The following CCDC134 variants were observed in gnomAD, a reference collection of about 807,000 sequenced individuals.
CCDC134 encodes the protein coiled-coil domain containing 134.
A neutral mutation model predicts 25.6 loss-of-function variants in CCDC134; 27 were observed. The observed-to-expected ratio is 1.05, with a 90% confidence interval of 0.78 to 1.45. The LOEUF (loss-of-function observed/expected upper bound fraction) is 1.45. Ranked by LOEUF, CCDC134 falls within the 40% of genes most tolerant of loss-of-function variation. The pLI is 0.00. For missense variants in CCDC134, 261 were observed against 286.7 expected (o/e 0.91, Z 0.65); for synonymous variants, 110 against 115.0 (o/e 0.96, Z 0.28).
intron 6 of CCDC134, among the ~76,000 whole-genome samples, chr22:41,819,978 T>TATATATAC (rs2076641677): frequency 8.0e-6 from 1 of 125,074 alleles, no homozygotes; most frequent in Non-Finnish European, 1.6e-5. Context: ...TATATATATA[T>TATATATAC]ATATATATAT....
At chr22:41,817,390 A>G (rs753154125) in intron 6 of CCDC134, among the ~76,000 whole-genome samples, 1 of 152,232 alleles carries the variant, frequency 6.6e-6, no homozygotes, top group Non-Finnish European at 1.5e-5. Flanking sequence ...CAGGCTGTCT[A>G]GTTTGTCACC....
At chr22:41,824,292 A>G (rs556124787) in intron 6 of CCDC134, among the ~76,000 whole-genome samples, 60 of 152,274 alleles carry the variant, frequency 3.9e-4, no homozygotes, top group Middle Eastern at 3.4e-3. Context: ...GCCACAGCAC[A>G]TGCAAAGGCC....
rs181630277 is a variant in CCDC134, at chr22:41,820,321, C to T, written c.565-5377C>T. On this transcript the variant is annotated intron_variant, in intron 6 of 6. Transcript: ENST00000255784. ...GTTATTTATATATATATTTTTAAGA[C>T]AGATTTTTGCTCTTGTTGCCCAGGC... is the stretch of plus-strand genomic sequence containing the variant. Among the ~76,000 whole-genome samples the T allele has an allele frequency of 2.3e-4, 35 of 151,740 alleles. No homozygotes were observed. The East Asian group carries it at 4.7e-3, about 20-fold the overall frequency.
At chr22:41,820,000 A>ATATATATATATATATATATATAT (rs2076642804) in intron 6 of CCDC134, among the ~76,000 whole-genome samples, 1 of 67,668 alleles carries the variant, frequency 1.5e-5, no homozygotes, top group African/African-American at 7.2e-5. Context: ...TATATATATA[A>ATATATATATATATATATATATAT]TTTTTTTTTT....
At chr22:41,809,835 AG>A (rs1253428546) in intron 2 of CCDC134, 43 bp from the exon 3 acceptor site, 4 of 1,612,170 alleles carry the variant, frequency 2.5e-6, no homozygotes, top group Non-Finnish European at 3.4e-6. Flanking sequence ...TGGATTGTCC[AG>A]GCAGGGCTAT....
In CCDC134 at chr22:41,831,243, C is replaced by G. The variant is rs11703214; in HGVS notation, c.*5420C>G. 0.032 allele frequency: 4,827 copies of G among 152,162 alleles called. 119 individuals are homozygous for G. Among genetic ancestry groups the G allele is most frequent in the Admixed American group, 0.076 (1,161 of 15,270 alleles). 9.4% of individuals were successfully genotyped at this position (152,162 alleles called of 1,614,324 possible). On this transcript the variant is annotated 3_prime_UTR_variant, in exon 7 of 7. Coordinates refer to ENST00000255784, the MANE Select transcript of CCDC134 (RefSeq NM_024821.5). Reference sequence around the variant, plus strand: ...ACAGAGTCTTGCTCTGTCTCCCAGGCTGGAGTGCAGCGACATGATCTCAGC... The same window carrying G: ...ACAGAGTCTTGCTCTGTCTCCCAGGGTGGAGTGCAGCGACATGATCTCAGC...
At position 41,830,599 on chromosome 22, in the gene CCDC134, G is replaced by A. The variant is rs956369223; in HGVS notation, c.*4776G>A. ...CTGTGTCTTTCAGGGTGAGACTGGT[G>A]TATTCTATACCAGCCTCCCTGTGTG... On this transcript the variant is annotated 3_prime_UTR_variant, in exon 7 of 7. Transcript: ENST00000255784. 6.6e-6 allele frequency among the ~76,000 whole-genome samples: 1 copy of A among 152,180 alleles called. No individual in the cohort carries two copies. Among genetic ancestry groups the A allele is most frequent in the Admixed American group, 6.5e-5 (1 of 15,278 alleles).
At position 41,808,913 on chromosome 22, in the gene CCDC134, C is replaced by T; in HGVS notation, c.23C>T (p.Ala8Val). The T allele has an allele frequency of 1.9e-6, 3 of 1,614,192 alleles. No individual in the cohort carries two copies. Among genetic ancestry groups the T allele is most frequent in the Non-Finnish European group, 2.5e-6 (3 of 1,180,022 alleles). Residue 8 changes from alanine (A) to valine (V), a missense_variant, in exon 2 of 7, where the codon GCC becomes GTC. Coordinates refer to ENST00000255784, the MANE Select transcript of CCDC134 (RefSeq NM_024821.5). ...GATATGGACCTTCTTCAATTCCTGG[C>T]CTTCCTCTTTGTCCTGCTTTTGTCT... MDLLQFL[A>V]FLFVLLLSGM...
In CCDC134 at chr22:41,825,293, C is replaced by T. The variant is rs1046924594; in HGVS notation, c.565-405C>T. Among the ~76,000 whole-genome samples the T allele has an allele frequency of 2.0e-5, 3 of 151,920 alleles. No individual in the cohort carries two copies. The highest frequency in any genetic ancestry group is 4.4e-5 in the Non-Finnish European group (3 of 67,940). On this transcript the variant is annotated intron_variant, in intron 6 of 6. Coordinates refer to ENST00000255784, the MANE Select transcript of CCDC134 (RefSeq NM_024821.5). The surrounding 1 kb of genome is among the most constrained non-coding windows in gnomAD (Gnocchi z 4.4). The stretch of plus-strand genomic sequence containing the variant: ...AATGAAGTCCTCATCCTCCACCCCC[C>T]CACTTGCCTTGTCATCTGTGACTCT...
chr22:41,815,529 G>C (rs914876476), intron 6 of CCDC134, among the ~76,000 whole-genome samples: 1 of 152,112 alleles, frequency 6.6e-6, no homozygotes, highest in East Asian at 1.9e-4. Context: ...ACACGAATGT[G>C]CTATTCAGTC....
intron 1 of CCDC134, among the ~76,000 whole-genome samples, chr22:41,807,021 C>G (rs1438689695): frequency 6.6e-6 from 1 of 152,154 alleles, no homozygotes; most frequent in Non-Finnish European, 1.5e-5. Context: ...GCTCTCCAGA[C>G]TGGGCAACAG....
intron 6 of CCDC134, among the ~76,000 whole-genome samples, chr22:41,814,229 G>A (rs542259793): frequency 9.9e-5 from 15 of 152,266 alleles, no homozygotes; most frequent in African/African-American, 2.9e-4. Flanking sequence ...GGTTCCAGGG[G>A]GCTGAGGTGG....
chr22:41,807,118 G>T (rs1448361908), intron 1 of CCDC134, among the ~76,000 whole-genome samples: 1 of 152,114 alleles, frequency 6.6e-6, no homozygotes, highest in Non-Finnish European at 1.5e-5. Context: ...AAAAGCATGA[G>T]AAATTTCCTG....
chr22:41,804,111 C>T (rs757324839), intron 1 of CCDC134, among the ~76,000 whole-genome samples: 3 of 152,038 alleles, frequency 2.0e-5, no homozygotes, highest in Non-Finnish European at 2.9e-5. Context: ...CCAGCCTGGA[C>T]GACAGAGCCA....
At chr22:41,812,126 A>G (rs1346525364) in intron 4 of CCDC134, among the ~76,000 whole-genome samples, 1 of 152,268 alleles carries the variant, frequency 6.6e-6, no homozygotes, top group East Asian at 1.9e-4. Context: ...TTGGTTATAT[A>G]AGATGACAAC....
At chr22:41,810,798 T>C (rs567715821) in intron 4 of CCDC134, among the ~76,000 whole-genome samples, 1 of 152,230 alleles carries the variant, frequency 6.6e-6, no homozygotes, top group South Asian at 2.1e-4. Flanking sequence ...CCGGCCACAA[T>C]AGCATTTCTT....
rs760044279 is a variant in CCDC134, at chr22:41,825,721, C to T, written c.588C>T (p.Phe196=). The change falls in exon 7 of 7, where the codon TTC becomes TTT. Residue 196 remains phenylalanine, a synonymous_variant. Transcript: ENST00000255784. The surrounding 1 kb of genome is among the most constrained non-coding windows in gnomAD (Gnocchi z 4.4). ...RTEFIPSTDP[F]QKALREEEKR... ...AGTTCATTCCCAGCACTGACCCTTT[C>T]CAGAAGGCCCTGAGAGAAGAAGAGA... 15 of 1,614,150 alleles carry T rather than the reference C, an allele frequency of 9.3e-6. No individual in the cohort carries two copies. The South Asian group carries it at 1.5e-4, about 17-fold the overall frequency.
At chr22:41,807,910 C>T (rs2076576249) in intron 1 of CCDC134, among the ~76,000 whole-genome samples, 1 of 152,102 alleles carries the variant, frequency 6.6e-6, no homozygotes, top group Non-Finnish European at 1.5e-5. Context: ...ATCTGAATCC[C>T]AGCACTTTGG....
At chr22:41,805,886 T>C (rs1228326570) in intron 1 of CCDC134, among the ~76,000 whole-genome samples, 1 of 152,226 alleles carries the variant, frequency 6.6e-6, no homozygotes, top group Non-Finnish European at 1.5e-5. Flanking sequence ...GCAGTGAGCC[T>C]GGATGACAGA....
Sources: gnomAD v4.1 joint callset for allele counts (sites outside exome capture counted in the v4.1 genomes callset) on GRCh38, gnomAD v4.1.1 for gene constraint, Gnocchi (gnomAD v3.1) non-coding constraint, MANE v1.5 for transcripts, NCBI Gene and HGNC (gene_info 2026-07-23, HGNC 2026-07-21) for gene names.